WWP1: variants seen among roughly 807,000 people sequenced by gnomAD.
WWP1 encodes the protein WW domain containing E3 ubiquitin protein ligase 1.
A neutral mutation model predicts 130.6 loss-of-function variants in WWP1; 49 were observed. That is an observed-to-expected ratio of 0.38 (90% CI 0.30 to 0.48). WWP1 has a LOEUF of 0.48. WWP1 is among the 20% of genes least tolerant of loss of function. The pLI, the probability that WWP1 is intolerant of heterozygous loss-of-function variation, is 0.99. For missense variants in WWP1, 809 were observed against 1,100.6 expected (o/e 0.74, Z 3.75); for synonymous variants, 332 against 367.8 (o/e 0.90, Z 1.11).
At chr8:86,362,199 T>C (rs1286593125) in intron 1 of WWP1, among the ~76,000 whole-genome samples, 11 of 121,028 alleles carry the variant, frequency 9.1e-5, no homozygotes, top group African/African-American at 2.1e-4. Flanking sequence ...TATATATATA[T>C]ATACTGGAAA....
chr8:86,363,685 A>T (rs1229354344), intron 1 of WWP1, among the ~76,000 whole-genome samples: 1 of 151,386 alleles, frequency 6.6e-6, no homozygotes, highest in African/African-American at 2.4e-5. Context: ...GGCCCCAGCT[A>T]CTCAGGAGGC....
In WWP1 at chr8:86,433,002, A is replaced by G. The variant is rs138453475; in HGVS notation, c.1601+1259A>G. On this transcript the variant is annotated intron_variant, in intron 14 of 24. Transcript: ENST00000517970. ...TAGTTTCTCCTTTAAACCAACTCCA[A>G]GGAAGTTCCCCTGACACTGAATTTG... Among the ~76,000 whole-genome samples the G allele has an allele frequency of 2.8e-3, 428 of 152,260 alleles. 1 individual carries two copies. Among genetic ancestry groups the G allele is most frequent in the African/African-American group, 9.7e-3 (404 of 41,552 alleles).
rs1586354714 is a variant in WWP1 at position 86,398,466 on chromosome 8, C to G, written c.459C>G (p.Ser153Arg). The G allele has an allele frequency of 6.2e-7, 1 of 1,612,426 alleles. No homozygotes were observed. The highest frequency in any genetic ancestry group is 1.1e-5 in the South Asian group (1 of 90,702). ...VIEQENITNC[S>R]SSPTIEIQEN... Reference sequence around the variant, plus strand: ...AGCAAGAAAATATAACAAACTGCAGCTCATCTCCAACCAGTAAGCTAACTT... The same window carrying G: ...AGCAAGAAAATATAACAAACTGCAGGTCATCTCCAACCAGTAAGCTAACTT... The change falls in exon 6 of 25, where the codon AGC (serine) becomes AGG (arginine). Residue 153 changes from serine to arginine, a missense_variant. Around this residue, in one of 3 missense-constraint regions of WWP1, gnomAD observed 262 missense variants for 346.0 expected, o/e 0.76. Transcript: ENST00000517970.
At chr8:86,384,703 T>G (rs1441271208) in intron 5 of WWP1, among the ~76,000 whole-genome samples, 4 of 152,060 alleles carry the variant, frequency 2.6e-5, no homozygotes, top group African/African-American at 9.7e-5. Flanking sequence ...TATTTACCTT[T>G]AAAAAGAAGT....
chr8:86,433,159 T>A (rs1162925651), intron 14 of WWP1, among the ~76,000 whole-genome samples: 1 of 152,100 alleles, frequency 6.6e-6, no homozygotes, highest in Non-Finnish European at 1.5e-5. Context: ...AGCCATACTT[T>A]CTTGATTTCC....
intron 15 of WWP1, 47 bp from the exon 16 acceptor site, chr8:86,435,586 C>T: frequency 6.2e-7 from 1 of 1,611,322 alleles, no homozygotes. Context: ...TTATACAATA[C>T]ATATACTATA....
intron 10 of WWP1, 116 bp from the exon 11 acceptor site, chr8:86,427,527 A>G: frequency 1.9e-6 from 2 of 1,054,534 alleles, no homozygotes; most frequent in Non-Finnish European, 2.6e-6. Context: ...ATAGTTTTAT[A>G]TGTTTTAGTT....
chr8:86,437,158 T>A (rs536865574), intron 16 of WWP1, among the ~76,000 whole-genome samples: 2 of 152,370 alleles, frequency 1.3e-5, no homozygotes, highest in East Asian at 3.9e-4. Context: ...GCTGGTGAGC[T>A]GTGCTCCAAC....
chr8:86,364,859 A>AGAG (rs1563468296), intron 1 of WWP1, among the ~76,000 whole-genome samples: 3 of 145,208 alleles, frequency 2.1e-5, no homozygotes, highest in African/African-American at 8.0e-5. Flanking sequence ...GAGAGAGAGA[A>AGAG]AGAAGAAAGA....
chr8:86,398,487 A>C lies in WWP1; in HGVS notation c.472+8A>C. 1 of 1,611,566 alleles carries C rather than the reference A, an allele frequency of 6.2e-7. No individual in the cohort carries two copies. Among genetic ancestry groups the C allele is most frequent in the South Asian group, 1.1e-5 (1 of 90,444 alleles). On this transcript the variant is annotated splice_region_variant and intron_variant, in intron 6 of 24. Coordinates refer to ENST00000517970, the MANE Select transcript of WWP1 (RefSeq NM_007013.4). ...GCAGCTCATCTCCAACCAGTAAGCT[A>C]ACTTTATATGTTTGTAAAATTTCAA...
At chr8:86,354,471 G>C (rs1235737228) in intron 1 of WWP1, among the ~76,000 whole-genome samples, 4 of 152,092 alleles carry the variant, frequency 2.6e-5, no homozygotes, top group Admixed American at 6.5e-5. Context: ...TTTTGGGTCA[G>C]TGGATAAAGG....
chr8:86,356,053 T>A (rs1823235235), intron 1 of WWP1, among the ~76,000 whole-genome samples: 1 of 152,182 alleles, frequency 6.6e-6, no homozygotes, highest in Non-Finnish European at 1.5e-5. Context: ...AATGGATAAT[T>A]GATAATGTTA....
At chr8:86,434,245 A>G (rs977971562) in intron 14 of WWP1, among the ~76,000 whole-genome samples, 1 of 152,250 alleles carries the variant, frequency 6.6e-6, no homozygotes, top group Non-Finnish European at 1.5e-5. Flanking sequence ...CAATAAGAGT[A>G]AAAAGCACAC....
chr8:86,358,121 GTTTC>G (rs1265960245), intron 1 of WWP1, among the ~76,000 whole-genome samples: 2 of 152,106 alleles, frequency 1.3e-5, no homozygotes, highest in African/African-American at 4.8e-5. Flanking sequence ...ATATTCTTTT[GTTTC>G]TTTGAGTATT....
At chr8:86,346,400 G>A (rs576181456) in intron 1 of WWP1, among the ~76,000 whole-genome samples, 26 of 152,052 alleles carry the variant, frequency 1.7e-4, no homozygotes, top group Non-Finnish European at 2.2e-4. Context: ...TCCAGCCTGG[G>A]CAACAGAGCG....
At position 86,422,335 on chromosome 8, in the gene WWP1, T is replaced by G. The variant is rs1382214967; in HGVS notation, c.1062-2888T>G. Among the ~76,000 whole-genome samples the G allele has an allele frequency of 6.0e-3, 383 of 63,364 alleles. 3 individuals are homozygous for G. Among genetic ancestry groups the G allele is most frequent in the African/African-American group, 0.01 (310 of 29,994 alleles). 41.6% of individuals were successfully genotyped at this position (63,364 alleles called of 152,430 possible). A position where few individuals can be genotyped will look rare whatever the true frequency, so the allele number is the denominator to read the frequency against. Reference sequence around the variant, plus strand: ...TACCAGTTTGTATTTATTTATTTATTTATTTATTTATTTATTTATTTATTT... The same window carrying G: ...TACCAGTTTGTATTTATTTATTTATGTATTTATTTATTTATTTATTTATTT... On this transcript the variant is annotated intron_variant, in intron 9 of 24. Transcript: ENST00000517970.
chr8:86,436,806 T>A (rs376984065), intron 16 of WWP1, among the ~76,000 whole-genome samples: 6 of 152,346 alleles, frequency 3.9e-5, no homozygotes, highest in African/African-American at 1.4e-4. Context: ...AATTATGCTG[T>A]GTACTCAGGC....
chr8:86,400,288 C>T (rs977762864), intron 7 of WWP1, among the ~76,000 whole-genome samples: 1 of 151,202 alleles, frequency 6.6e-6, no homozygotes, highest in East Asian at 2.0e-4. Flanking sequence ...GCTGAGATCG[C>T]GCCATTGCAC....
At chr8:86,376,655 G>C (rs1824674234) in intron 3 of WWP1, among the ~76,000 whole-genome samples, 1 of 152,160 alleles carries the variant, frequency 6.6e-6, no homozygotes, top group Admixed American at 6.5e-5. Flanking sequence ...AAGACTATCA[G>C]GTGACTCAAA....
Sources: gnomAD v4.1 joint callset for allele counts (sites outside exome capture counted in the v4.1 genomes callset) on GRCh38, gnomAD v4.1.1 for gene constraint, gnomAD v4.1.1 regional missense constraint, MANE v1.5 for transcripts, NCBI Gene and HGNC (gene_info 2026-07-23, HGNC 2026-07-21) for gene names.